Variants in FHIP2A observed in about 807,000 individuals in gnomAD.
The protein encoded by FHIP2A is FHF complex subunit HOOK interacting protein 2A.
A neutral mutation model predicts 93.5 loss-of-function variants in FHIP2A; 46 were observed. That is an observed-to-expected ratio of 0.49 (90% CI 0.39 to 0.63). The LOEUF (loss-of-function observed/expected upper bound fraction) is 0.63, where lower values mean the gene tolerates loss of function less well. FHIP2A is among the 20% of genes least tolerant of loss of function. The pLI, the probability that FHIP2A is intolerant of heterozygous loss-of-function variation, is 0.00. For missense variants in FHIP2A, 769 were observed against 909.7 expected, an observed-to-expected ratio of 0.85 and a Z score of 1.99; for synonymous variants, 332 against 326.5, an observed-to-expected ratio of 1.02 and a Z score of -0.18.
In FHIP2A at chr10:114,862,821, C is replaced by A; in HGVS notation, c.*1281C>A. ...CCGCAGCACTTTCTTCTTCATCTTTCCATTTACTGATATTTGGGGGAACAG... is the reference window on the plus strand; with the variant it reads ...CCGCAGCACTTTCTTCTTCATCTTTACATTTACTGATATTTGGGGGAACAG... On this transcript the variant is annotated 3_prime_UTR_variant, in exon 17 of 17. Coordinates refer to ENST00000369248, the MANE Select transcript of FHIP2A (RefSeq NM_020940.4). 1 of 985,400 alleles carries A rather than the reference C, an allele frequency of 1.0e-6. No homozygotes were observed. Among genetic ancestry groups the A allele is most frequent in the Non-Finnish European group, 1.2e-6 (1 of 829,916 alleles). The allele number at this position is 985,400 out of a possible 1,614,324, so 61.0% of individuals were successfully genotyped here.
Position 114,861,655 on chromosome 10 carries a change from G to A in FHIP2A, c.*115G>A, listed in dbSNP as rs974807135. 2 of 1,467,116 alleles carry A rather than the reference G, an allele frequency of 1.4e-6. No individual in the cohort carries two copies. Among genetic ancestry groups the A allele is most frequent in the Non-Finnish European group, 1.8e-6 (2 of 1,116,308 alleles). 90.9% of individuals were successfully genotyped at this position (1,467,116 alleles called of 1,614,324 possible). A position where few individuals can be genotyped will look rare whatever the true frequency, so the allele number is the denominator to read the frequency against. On this transcript the variant is annotated 3_prime_UTR_variant, in exon 17 of 17. Coordinates refer to ENST00000369248, the MANE Select transcript of FHIP2A (RefSeq NM_020940.4). ...AAGCCTTTTTAAACGCAGTATTGCT[G>A]TAAACTGGACAGAACCATTAAGAAC...
Position 114,863,510 on chromosome 10 carries a change from G to T in FHIP2A, c.*1970G>T. Reference sequence around the variant, plus strand: ...CAGAAAAGCTTTAACTCTTATATTTGTGTATATGTATGCTGCTTCTGAAAA... The same window carrying T: ...CAGAAAAGCTTTAACTCTTATATTTTTGTATATGTATGCTGCTTCTGAAAA... On this transcript the variant is annotated 3_prime_UTR_variant, in exon 17 of 17. Coordinates refer to ENST00000369248, the MANE Select transcript of FHIP2A (RefSeq NM_020940.4). The T allele has an allele frequency of 8.7e-7, 1 of 1,153,592 alleles. No homozygotes were observed. The highest frequency in any genetic ancestry group is 1.1e-6 in the Non-Finnish European group (1 of 928,080). The allele number at this position is 1,153,592 out of a possible 1,614,324, so 71.5% of individuals were successfully genotyped here. A position where few individuals can be genotyped will look rare whatever the true frequency, so the allele number is the denominator to read the frequency against.
intron 4 of FHIP2A, 128 bp downstream of exon 4, chr10:114,835,769 C>A: frequency 1.7e-6 from 1 of 596,492 alleles, no homozygotes; most frequent in Non-Finnish European, 2.8e-6. Context: ...TTAGCAAATA[C>A]TTGAGCTTTC....
At chr10:114,872,166 G>A (rs77782383) in intron 16 of FHIP2A, among the ~76,000 whole-genome samples, 4,907 of 152,134 alleles carry the variant, frequency 0.032, 111 homozygotes, top group Middle Eastern at 0.041. Flanking sequence ...TTTTCCCCCT[G>A]GACCATGCTG....
Position 114,844,807 on chromosome 10 carries a change from C to T in FHIP2A, c.1014-560C>T, listed in dbSNP as rs140228370. ...TTGTTTGTTTGTTTTTTCTTTGAGA[C>T]GGAGTCTTGCTCCGTCGCCCAGGCT... is the stretch of plus-strand genomic sequence containing the variant. On this transcript the variant is annotated intron_variant, in intron 7 of 16. Coordinates refer to ENST00000369248, the MANE Select transcript of FHIP2A (RefSeq NM_020940.4). Among the ~76,000 whole-genome samples, 1,043 of 152,136 alleles carry T rather than the reference C, an allele frequency of 6.9e-3. 8 individuals carry two copies. Among genetic ancestry groups the T allele is most frequent in the African/African-American group, 0.024 (1,002 of 41,478 alleles).
At chr10:114,837,080 T>G (rs2083640409) in intron 5 of FHIP2A, among the ~76,000 whole-genome samples, 1 of 152,066 alleles carries the variant, frequency 6.6e-6, no homozygotes. Flanking sequence ...TTTTTAAGTT[T>G]TTTTGTAGAG....
chr10:114,885,869 C>G (rs2083940455), intron 16 of FHIP2A, among the ~76,000 whole-genome samples: 1 of 152,162 alleles, frequency 6.6e-6, no homozygotes, highest in Non-Finnish European at 1.5e-5. Flanking sequence ...GCTTTGCAAC[C>G]ATGGTGAGTT....
rs1277912006 is a variant in FHIP2A at position 114,845,493 on chromosome 10, TTTA to T, written c.1128+15_1128+17del. 2 of 1,497,960 alleles carry T rather than the reference TTTA, an allele frequency of 1.3e-6. No homozygotes were observed. The highest frequency in any genetic ancestry group is 1.8e-5 in the Admixed American group (1 of 56,438). 92.8% of individuals were successfully genotyped at this position (1,497,960 alleles called of 1,614,324 possible). On this transcript the variant is annotated intron_variant, in intron 8 of 16. Coordinates refer to ENST00000369248, the MANE Select transcript of FHIP2A (RefSeq NM_020940.4). Reference sequence around the variant, plus strand: ...AGGAAGCCCAAAAGGTTTGTAATTTTTTATTGTTTTTTGATCATTTTAAGATAT... The same window carrying T: ...AGGAAGCCCAAAAGGTTTGTAATTTTTTGTTTTTTGATCATTTTAAGATAT...
intron 16 of FHIP2A, among the ~76,000 whole-genome samples, chr10:114,898,376 C>T (rs1326813631): frequency 6.6e-6 from 1 of 152,174 alleles, no homozygotes; most frequent in Non-Finnish European, 1.5e-5. Flanking sequence ...GACATTCATA[C>T]TCTTGCAAGT....
rs539129062 is a variant in FHIP2A at position 114,899,095 on chromosome 10, G to A, written c.2193-395G>A. 5.2e-4 allele frequency among the ~76,000 whole-genome samples: 79 copies of A among 152,330 alleles called. 1 individual carries two copies. The highest frequency in any genetic ancestry group is 1.8e-3 in the African/African-American group (76 of 41,578). On this transcript the variant is annotated intron_variant, in intron 16 of 16. Coordinates refer to the FHIP2A transcript ENST00000369250. ...CTGAGTGAAGCCCAGCCCTAAGCTGGTAGACCAGTGGGGTGCAGCTTCACG... is the reference window on the plus strand; with the variant it reads ...CTGAGTGAAGCCCAGCCCTAAGCTGATAGACCAGTGGGGTGCAGCTTCACG...
At chr10:114,869,088 A>G (rs1006842535), downstream of FHIP2A, among the ~76,000 whole-genome samples, 3 of 152,224 alleles carry the variant, frequency 2.0e-5, no homozygotes, top group African/African-American at 7.2e-5. Flanking sequence ...CAATTTTACT[A>G]TAATGCAGAA....
At chr10:114,841,585 A>G (rs1482950874) in intron 5 of FHIP2A, among the ~76,000 whole-genome samples, 1 of 152,108 alleles carries the variant, frequency 6.6e-6, no homozygotes, top group Non-Finnish European at 1.5e-5. Flanking sequence ...GCACCCGGCC[A>G]ATATGCCATT....
intron 1 of FHIP2A, among the ~76,000 whole-genome samples, chr10:114,830,376 G>A (rs563086781): frequency 4.7e-5 from 7 of 148,764 alleles, no homozygotes; most frequent in Admixed American, 1.4e-4. Context: ...AGGTTCAAGC[G>A]ATTCTCCTGT....
At chr10:114,845,088 G>T (rs985832559) in intron 7 of FHIP2A, among the ~76,000 whole-genome samples, 1 of 151,924 alleles carries the variant, frequency 6.6e-6, no homozygotes, top group African/African-American at 2.4e-5. Context: ...TGGTATTACA[G>T]GCATGAGCCA....
At chr10:114,845,060 G>T (rs976369119) in intron 7 of FHIP2A, among the ~76,000 whole-genome samples, 1 of 150,542 alleles carries the variant, frequency 6.6e-6, no homozygotes, top group Non-Finnish European at 1.5e-5. Context: ...ACCCACGCAC[G>T]TTGGCCTCCC....
At chr10:114,850,559 G>T (rs1218070569) in intron 13 of FHIP2A, among the ~76,000 whole-genome samples, 1 of 152,142 alleles carries the variant, frequency 6.6e-6, no homozygotes, top group Non-Finnish European at 1.5e-5. Flanking sequence ...AATTATCCGT[G>T]TGTGGTGGCA....
At position 114,846,642 on chromosome 10, in the gene FHIP2A, T is replaced by C; in HGVS notation, c.1482T>C (p.Asn494=). ...TTCTTTACAACTTGGTCTTGAGAAA[T>C]CTTGAAGAAAGAAATTATACAGAAT... ...EHILYNLVLR[N]LEERNYTEYK... is the part of the protein sequence containing the mutation. The change falls in exon 11 of 17, where the codon AAT becomes AAC. Residue 494 remains asparagine, a synonymous_variant. Coordinates refer to ENST00000369248, the MANE Select transcript of FHIP2A (RefSeq NM_020940.4). The C allele has an allele frequency of 1.2e-6, 2 of 1,612,194 alleles. No individual in the cohort carries two copies. The highest frequency in any genetic ancestry group is 1.7e-6 in the Non-Finnish European group (2 of 1,179,388).
rs917903842 is a variant in FHIP2A at position 114,875,750 on chromosome 10, A to G, written c.2192+14416A>G. The stretch of plus-strand genomic sequence containing the variant: ...AGAAAGAGAGAGAAAGAAAGAAAGA[A>G]AGAGAAAGAAAGAAAGAGAAAAGAG... On this transcript the variant is annotated intron_variant, in intron 16 of 16. Coordinates refer to the FHIP2A transcript ENST00000369250. Among the ~76,000 whole-genome samples the G allele has an allele frequency of 5.3e-5, 8 of 149,550 alleles. No individual in the cohort carries two copies. The South Asian group carries it at 1.0e-3, about 19-fold the overall frequency.
intron 8 of FHIP2A, 65 bp from the exon 9 acceptor site, chr10:114,845,948 T>C (rs2083698013): frequency 8.0e-7 from 1 of 1,256,708 alleles, no homozygotes; most frequent in Non-Finnish European, 1.1e-6. Flanking sequence ...AACTGATTTA[T>C]TGATGTTACA....
Sources: allele counts gnomAD v4.1 joint callset (sites outside exome capture counted in the v4.1 genomes callset), GRCh38; gene constraint gnomAD v4.1.1; transcripts MANE v1.5; gene names NCBI Gene and HGNC (gene_info 2026-07-23, HGNC 2026-07-21).